RAB2B: variants seen among roughly 807,000 people sequenced by gnomAD.
RAB2B encodes the protein ras-related protein Rab-2B.
RAB2B carries 20 observed loss-of-function variants against 29.8 expected under a neutral mutation model. The observed-to-expected ratio is 0.67, with a 90% CI of 0.47 to 0.97. The LOEUF is 0.97. RAB2B is among the 50% of genes least tolerant of loss of function. The pLI is 0.00. For synonymous variants in RAB2B, 93 were observed against 91.7 expected (o/e 1.01, Z -0.08); for missense variants, 218 against 272.0 (o/e 0.80, Z 1.40).
At chr14:21,462,836 T>TAAAA (rs1182397229) in intron 6 of RAB2B, among the ~76,000 whole-genome samples, 1 of 87,058 alleles carries the variant, frequency 1.1e-5, no homozygotes, top group African/African-American at 4.2e-5. Context: ...AGACTCAGTC[T>TAAAA]AAAAAAAAAA....
At chr14:21,461,791 A>C (rs934593373) in intron 7 of RAB2B, among the ~76,000 whole-genome samples, 3 of 152,112 alleles carry the variant, frequency 2.0e-5, no homozygotes, top group Admixed American at 2.0e-4. Flanking sequence ...GCCGGTCTCA[A>C]AGTCCTGGCT....
chr14:21,467,765 A>G (rs925434706), intron 5 of RAB2B, among the ~76,000 whole-genome samples: 6 of 152,250 alleles, frequency 3.9e-5, no homozygotes, highest in African/African-American at 1.4e-4. Context: ...ATCCATGTTC[A>G]TAGCAGCATT....
chr14:21,471,878 G>T (rs1263869567), intron 3 of RAB2B, among the ~76,000 whole-genome samples: 1 of 151,670 alleles, frequency 6.6e-6, no homozygotes, highest in African/African-American at 2.4e-5. Flanking sequence ...GTTTCACCAT[G>T]TTGGCCAGGC....
rs530646464 is a variant in RAB2B, at chr14:21,459,510, G to A, written c.*1686C>T. The A allele has an allele frequency of 1.3e-5, 2 of 152,090 alleles. No individual in the cohort carries two copies. The highest frequency in any genetic ancestry group is 1.9e-4 in the East Asian group (1 of 5,178). The allele number at this position is 152,090 out of a possible 1,614,324, so 9.4% of individuals were successfully genotyped here. On this transcript the variant is annotated 3_prime_UTR_variant, in exon 8 of 8. Coordinates refer to ENST00000397762, the MANE Select transcript of RAB2B (RefSeq NM_032846.4). ...TAGGCACTGTAAAGGAATGATAGGG[G>A]GAATAATTTATAAAAATAAAGGAAT... is the stretch of plus-strand genomic sequence containing the variant.
rs760713611 is a variant in RAB2B, at chr14:21,460,279, GTA to G, written c.*915_*916del. The G allele has an allele frequency of 1.9e-6, 1 of 518,362 alleles. No homozygotes were observed. The highest frequency in any genetic ancestry group is 3.9e-6 in the Non-Finnish European group (1 of 259,664). The allele number at this position is 518,362 out of a possible 1,614,324, so 32.1% of individuals were successfully genotyped here. ...CCTAATTCTTAGTGGGAAGTGGATT[GTA>G]TATGCTTACGAAATTATTTATTTAG... is the stretch of plus-strand genomic sequence containing the variant. On this transcript the variant is annotated 3_prime_UTR_variant, in exon 8 of 8. Transcript: ENST00000397762.
chr14:21,474,570 T>C (rs1890901565), intron 3 of RAB2B: 1 of 318,334 alleles, frequency 3.1e-6, no homozygotes, highest in Non-Finnish European at 5.9e-6. Context: ...CCAACCAAGA[T>C]GGGAAGGGAG....
rs574784668 is a variant in RAB2B, at chr14:21,475,679, T to C, written c.119-745A>G. 1.1e-4 allele frequency among the ~76,000 whole-genome samples: 16 copies of C among 152,308 alleles called. No homozygotes were observed. The South Asian group carries it at 3.1e-3, about 30-fold the overall frequency. ...GTTGCCTTGTTAAGCATTGTATCATTAGCCCCTATCGCAAAGTGAGAATTC... is the reference window on the plus strand; with the variant it reads ...GTTGCCTTGTTAAGCATTGTATCATCAGCCCCTATCGCAAAGTGAGAATTC... On this transcript the variant is annotated intron_variant, in intron 2 of 7. Coordinates refer to ENST00000397762, the MANE Select transcript of RAB2B (RefSeq NM_032846.4).
chr14:21,470,993 C>CAAAAAA lies in RAB2B; in HGVS notation c.187-2247_187-2242dup, dbSNP rs869211285. Among the ~76,000 whole-genome samples the CAAAAAA allele has an allele frequency of 1.4e-4, 14 of 98,792 alleles. 1 individual carries two copies. The highest frequency in any genetic ancestry group is 5.2e-4 in the African/African-American group (12 of 23,240). The allele number at this position is 98,792 out of a possible 152,430, so 64.8% of individuals were successfully genotyped here. On this transcript the variant is annotated intron_variant, in intron 3 of 7. Transcript: ENST00000397762. ...TGAAACCCCATCTCTGCTAAAAATA[C>CAAAAAA]AAAAAAAAAAAAAAAAAAAAAAAAA...
chr14:21,462,635 T>G (rs1890587259), intron 6 of RAB2B, among the ~76,000 whole-genome samples: 1 of 151,068 alleles, frequency 6.6e-6, no homozygotes, highest in South Asian at 2.1e-4. Flanking sequence ...AGGTCAGGAG[T>G]TCGAGACCAG....
chr14:21,468,545 A>C (rs765438328), intron 4 of RAB2B, 96 bp from the exon 5 acceptor site: 277 of 1,329,838 alleles, frequency 2.1e-4, no homozygotes, highest in Non-Finnish European at 2.7e-4. Context: ...CCATACGTGT[A>C]AAGAAAAATA....
At chr14:21,467,813 C>T (rs1890719573) in intron 5 of RAB2B, among the ~76,000 whole-genome samples, 1 of 152,156 alleles carries the variant, frequency 6.6e-6, no homozygotes, top group Admixed American at 6.5e-5. Flanking sequence ...ACCCAAGTGT[C>T]CATGGACAGA....
At chr14:21,466,186 A>G (rs1035079440) in intron 5 of RAB2B, among the ~76,000 whole-genome samples, 2 of 152,334 alleles carry the variant, frequency 1.3e-5, no homozygotes, top group South Asian at 2.1e-4. Context: ...TGACTGATAC[A>G]CTAAAAATAA....
chr14:21,476,918 A>C lies in RAB2B; in HGVS notation c.-46T>G, dbSNP rs768356393. 4 of 1,601,944 alleles carry C rather than the reference A, an allele frequency of 2.5e-6. No homozygotes were observed. The highest frequency in any genetic ancestry group is 3.4e-6 in the Non-Finnish European group (4 of 1,171,058). On this transcript the variant is annotated 5_prime_UTR_variant, in exon 1 of 8. Transcript: ENST00000397762. ...CCGGGTCCGCCCGACTTCTATAGCC[A>C]CTTACCTCCGACCTCTCTAGCCACT...
At chr14:21,473,904 C>T (rs1052366997) in intron 3 of RAB2B, among the ~76,000 whole-genome samples, 4 of 152,054 alleles carry the variant, frequency 2.6e-5, no homozygotes, top group Non-Finnish European at 4.4e-5. Context: ...CCCAGCTATT[C>T]GGGAGGCTGA....
At chr14:21,462,567 C>T (rs545557534) in intron 6 of RAB2B, 149 bp from the exon 7 acceptor site, 65 of 732,200 alleles carry the variant, frequency 8.9e-5, no homozygotes, top group Middle Eastern at 4.3e-4. Context: ...CGGTTGGGTG[C>T]GGTGGCTCAT....
chr14:21,472,621 A>T (rs1474835032), intron 3 of RAB2B, among the ~76,000 whole-genome samples: 1 of 152,226 alleles, frequency 6.6e-6, no homozygotes, highest in East Asian at 1.9e-4. Context: ...GATTTAGCAA[A>T]TATTAATCTC....
At chr14:21,462,292 C>G in intron 7 of RAB2B, 58 bp downstream of exon 7, 3 of 1,445,912 alleles carry the variant, frequency 2.1e-6, no homozygotes, top group Admixed American at 1.9e-5. Context: ...TCTAGGGAAC[C>G]TCCAGTTGTA....
In RAB2B at chr14:21,476,519, T is replaced by C. The variant is rs1890972081; in HGVS notation, c.118+9A>G. The C allele has an allele frequency of 6.2e-7, 1 of 1,613,786 alleles. No individual in the cohort carries two copies. Among genetic ancestry groups the C allele is most frequent in the Non-Finnish European group, 8.5e-7 (1 of 1,180,016 alleles). On this transcript the variant is annotated intron_variant, in intron 2 of 7. Transcript: ENST00000397762. The stretch of plus-strand genomic sequence containing the variant: ...TATCATCTGTTCTGGAACAAGTAGA[T>C]GCACTTACCTATTGTGAGGTCGTGG...
chr14:21,475,401 G>A (rs1890923503), intron 2 of RAB2B, among the ~76,000 whole-genome samples: 1 of 150,480 alleles, frequency 6.6e-6, no homozygotes, highest in Middle Eastern at 3.2e-3. Flanking sequence ...TAAGAAAAGA[G>A]CCTAAGAAAT....
Sources: gnomAD v4.1 joint callset for allele counts (sites outside exome capture counted in the v4.1 genomes callset) on GRCh38, gnomAD v4.1.1 for gene constraint, MANE v1.5 for transcripts, NCBI Gene and HGNC (gene_info 2026-07-23, HGNC 2026-07-21) for gene names.